Variants in ENPP3 observed in about 807,000 individuals in gnomAD.
The protein encoded by ENPP3 is ectonucleotide pyrophosphatase/phosphodiesterase family member 3.
In ENPP3, 104 loss-of-function variants were observed where a neutral mutation model predicts 117.8. The observed-to-expected ratio is 0.88, with a 90% CI of 0.75 to 1.04. ENPP3 has a LOEUF of 1.04. ENPP3 is among the 50% of genes least tolerant of loss of function. The pLI is 0.00. For missense variants in ENPP3, 1,026 were observed against 1,051.9 expected, an observed-to-expected ratio of 0.98 and a Z score of 0.34; for synonymous variants, 380 against 349.9, an observed-to-expected ratio of 1.09 and a Z score of -0.96.
chr6:131,721,407 G>A (rs1171005784), intron 17 of ENPP3, among the ~76,000 whole-genome samples: 2 of 152,132 alleles, frequency 1.3e-5, no homozygotes, highest in Non-Finnish European at 2.9e-5. Context: ...ACATGGCTAG[G>A]TTTATGGTCT....
At chr6:131,649,730 A>G (rs891898326) in intron 2 of ENPP3, among the ~76,000 whole-genome samples, 1 of 151,756 alleles carries the variant, frequency 6.6e-6, no homozygotes, top group Non-Finnish European at 1.5e-5. Flanking sequence ...TAAGTTTTGT[A>G]TTTTTAGTAG....
intron 11 of ENPP3, among the ~76,000 whole-genome samples, chr6:131,678,574 G>A (rs1778922134): frequency 6.6e-6 from 1 of 152,184 alleles, no homozygotes; most frequent in South Asian, 2.1e-4. Context: ...TGGACACAGT[G>A]GAAAGATGCA....
chr6:131,698,052 A>G (rs1014338621), intron 15 of ENPP3, among the ~76,000 whole-genome samples: 24 of 152,140 alleles, frequency 1.6e-4, no homozygotes, highest in Non-Finnish European at 1.0e-4. Flanking sequence ...TCATTAGAAC[A>G]TAGATTTTTA....
rs1779950477 is a variant in ENPP3 at position 131,718,708 on chromosome 6, T to C, written c.1449T>C (p.His483=). ...KSNTNCGGGN[H]GYNNEFRSME... ...ATACAAATTGTGGAGGAGGCAACCA[T>C]GGTTATAACAATGAGTTTAGGAGCA... Residue 483 remains histidine, a synonymous_variant, in exon 16 of 25, where the codon CAT becomes CAC. Coordinates refer to ENST00000357639, the MANE Select transcript of ENPP3 (RefSeq NM_005021.5). The C allele has an allele frequency of 6.2e-7, 1 of 1,606,680 alleles. No homozygotes were observed. Among genetic ancestry groups the C allele is most frequent in the East Asian group, 2.2e-5 (1 of 44,670 alleles).
chr6:131,672,796 G>C (rs571978903), intron 7 of ENPP3, among the ~76,000 whole-genome samples: 5 of 151,498 alleles, frequency 3.3e-5, no homozygotes, highest in Non-Finnish European at 7.4e-5. Context: ...ACATAAAAAT[G>C]TTCTAAAATA....
At chr6:131,733,866 G>A in intron 21 of ENPP3, 143 bp downstream of exon 21, 2 of 786,888 alleles carry the variant, frequency 2.5e-6, no homozygotes, top group Non-Finnish European at 2.0e-6. Context: ...GGTTGTGGCT[G>A]GCCAGAGCAG....
At chr6:131,731,240 C>A (rs1039287744) in intron 20 of ENPP3, among the ~76,000 whole-genome samples, 14 of 152,134 alleles carry the variant, frequency 9.2e-5, no homozygotes, top group African/African-American at 3.4e-4. Flanking sequence ...GTCTAGTGGT[C>A]CTTGGCTGTC....
chr6:131,674,934 A>G (rs1778832923), intron 8 of ENPP3, 146 bp from the exon 9 acceptor site: 1 of 563,582 alleles, frequency 1.8e-6, no homozygotes, highest in Non-Finnish European at 3.2e-6. Context: ...AGATTCTTAG[A>G]TAATTATATC....
At chr6:131,679,081 C>CTTTG (rs1778963045) in intron 11 of ENPP3, among the ~76,000 whole-genome samples, 1 of 119,182 alleles carries the variant, frequency 8.4e-6, no homozygotes, top group Non-Finnish European at 1.7e-5. Context: ...TTCTTTCTTT[C>CTTTG]TTTCTTTTCT....
rs376921880 is a variant in ENPP3 at position 131,685,502 on chromosome 6, A to G, written c.1252+7A>G. On this transcript the variant is annotated splice_region_variant and intron_variant, in intron 13 of 24. Transcript: ENST00000357639. ...CCTCATGACTTTTTTAGTTGTAAGT[A>G]TGAAGACACCTATATGAAAAAAAGG... 91 of 1,612,674 alleles carry G rather than the reference A, an allele frequency of 5.6e-5. No individual in the cohort carries two copies. The highest frequency in any genetic ancestry group is 7.4e-5 in the Non-Finnish European group (87 of 1,179,582).
intron 5 of ENPP3, among the ~76,000 whole-genome samples, chr6:131,654,277 G>A (rs1200094772): frequency 1.3e-5 from 2 of 151,936 alleles, no homozygotes; most frequent in Non-Finnish European, 2.9e-5. Flanking sequence ...GAGACTACAG[G>A]CATGGGCCAC....
chr6:131,732,436 G>T (rs568273783), intron 20 of ENPP3, among the ~76,000 whole-genome samples: 1 of 151,988 alleles, frequency 6.6e-6, no homozygotes, highest in Non-Finnish European at 1.5e-5. Context: ...TTTTTAAGAC[G>T]GAGTCTCTCT....
chr6:131,655,447 C>A (rs1258618537), intron 5 of ENPP3, among the ~76,000 whole-genome samples: 2 of 152,150 alleles, frequency 1.3e-5, no homozygotes, highest in Non-Finnish European at 2.9e-5. Context: ...AAGCAGGAAG[C>A]AAACCCAGGC....
chr6:131,742,404 GA>G (rs1348703651), intron 24 of ENPP3, among the ~76,000 whole-genome samples: 2 of 151,984 alleles, frequency 1.3e-5, no homozygotes, highest in African/African-American at 4.8e-5. Context: ...AGTACACAAA[GA>G]AAAAAATATT....
At chr6:131,725,348 A>G (rs1780132272) in intron 19 of ENPP3, among the ~76,000 whole-genome samples, 1 of 152,344 alleles carries the variant, frequency 6.6e-6, no homozygotes, top group East Asian at 1.9e-4. Flanking sequence ...GGGAAACCCA[A>G]GATCAAGTTG....
chr6:131,650,999 A>G (rs1272116411), intron 3 of ENPP3, among the ~76,000 whole-genome samples: 2 of 152,008 alleles, frequency 1.3e-5, no homozygotes, highest in Non-Finnish European at 2.9e-5. Flanking sequence ...GGCTCACTGC[A>G]ACCTCCACCT....
intron 5 of ENPP3, among the ~76,000 whole-genome samples, chr6:131,654,060 A>T (rs1441107980): frequency 6.6e-6 from 1 of 152,004 alleles, no homozygotes; most frequent in East Asian, 1.9e-4. Context: ...AAAAGAAAGG[A>T]ATACCTGGCT....
At chr6:131,676,362 T>C (rs965358892) in intron 9 of ENPP3, among the ~76,000 whole-genome samples, 1 of 152,212 alleles carries the variant, frequency 6.6e-6, no homozygotes, top group Middle Eastern at 3.2e-3. Context: ...AATGTAATCT[T>C]TGGTTTCCTC....
intron 6 of ENPP3, among the ~76,000 whole-genome samples, chr6:131,664,767 A>C (rs1221515666): frequency 3.9e-5 from 6 of 152,214 alleles, no homozygotes; most frequent in South Asian, 2.1e-4. Context: ...CATGCTGTAC[A>C]GATTTGTACA....
Sources: gnomAD v4.1 joint callset for allele counts (sites outside exome capture counted in the v4.1 genomes callset) on GRCh38, gnomAD v4.1.1 for gene constraint, MANE v1.5 for transcripts, NCBI Gene and HGNC (gene_info 2026-07-23, HGNC 2026-07-21) for gene names.